ADAMTS19: variants seen among roughly 807,000 people sequenced by gnomAD.
ADAMTS19 encodes the protein ADAM metallopeptidase with thrombospondin type 1 motif 19.
In ADAMTS19, 93 loss-of-function variants were observed where a neutral mutation model predicts 153.3. That is an observed-to-expected ratio of 0.61 (90% CI 0.51 to 0.72). ADAMTS19 has a LOEUF of 0.72. Ranked by LOEUF, ADAMTS19 falls within the 30% of genes least tolerant of loss-of-function variation. The pLI, the probability that ADAMTS19 is intolerant of heterozygous loss-of-function variation, is 0.00. For synonymous variants in ADAMTS19, 600 were observed against 556.6 expected, an observed-to-expected ratio of 1.08 and a Z score of -1.10; for missense variants, 1,482 against 1,552.1, an observed-to-expected ratio of 0.95 and a Z score of 0.76.
At position 129,679,759 on chromosome 5, in the gene ADAMTS19, TA is replaced by T. The variant is rs779494058; in HGVS notation, c.2507-4del. The T allele has an allele frequency of 1.9e-6, 3 of 1,604,136 alleles. No homozygotes were observed. In the African/African-American group the frequency reaches 4.0e-5, roughly 22 times the overall value. Reference sequence around the variant, plus strand: ...TACTCATTATATTTTTGAACCTCTTTATAGCTCTCCGAGATGCTGGCAAACA... The same window carrying T: ...TACTCATTATATTTTTGAACCTCTTTTAGCTCTCCGAGATGCTGGCAAACA... On this transcript the variant is annotated splice_polypyrimidine_tract_variant and splice_region_variant and intron_variant, in intron 16 of 22. Coordinates refer to ENST00000274487, the MANE Select transcript of ADAMTS19 (RefSeq NM_133638.6).
intron 21 of ADAMTS19, among the ~76,000 whole-genome samples, chr5:129,724,892 CT>C (rs1364882622): frequency 2.0e-5 from 3 of 152,114 alleles, no homozygotes; most frequent in Non-Finnish European, 4.4e-5. Flanking sequence ...ATCATGTTGA[CT>C]GTTCTTTATT....
At chr5:129,699,512 T>C (rs556077234) in intron 19 of ADAMTS19, among the ~76,000 whole-genome samples, 8 of 152,058 alleles carry the variant, frequency 5.3e-5, no homozygotes, top group African/African-American at 1.9e-4. Flanking sequence ...CATTGATACA[T>C]GCCTTTGAGG....
chr5:129,697,862 A>T (rs2127153624), intron 19 of ADAMTS19, among the ~76,000 whole-genome samples: 1 of 152,296 alleles, frequency 6.6e-6, no homozygotes, highest in South Asian at 2.1e-4. Flanking sequence ...ATACTTCAAA[A>T]CACAATTTGT....
intron 7 of ADAMTS19, among the ~76,000 whole-genome samples, chr5:129,584,782 C>A (rs1347948706): frequency 6.6e-6 from 1 of 152,220 alleles, no homozygotes; most frequent in Non-Finnish European, 1.5e-5. Flanking sequence ...CGACTTCAGA[C>A]TGCTGTGCTG....
intron 3 of ADAMTS19, among the ~76,000 whole-genome samples, chr5:129,522,241 A>T (rs1416302288): frequency 1.4e-5 from 2 of 147,272 alleles, no homozygotes; most frequent in Non-Finnish European, 3.0e-5. Flanking sequence ...GAATGTAAGT[A>T]TATACACACA....
intron 2 of ADAMTS19, among the ~76,000 whole-genome samples, chr5:129,489,941 T>G (rs1405292759): frequency 6.6e-6 from 1 of 152,232 alleles, no homozygotes; most frequent in Non-Finnish European, 1.5e-5. Context: ...AGAAAATGTT[T>G]CCTTCCATGC....
At chr5:129,694,311 A>G (rs966188506) in intron 18 of ADAMTS19, among the ~76,000 whole-genome samples, 30 of 152,282 alleles carry the variant, frequency 2.0e-4, no homozygotes, top group African/African-American at 7.2e-4. Flanking sequence ...AAGTATAATA[A>G]CATGTAACAA....
At chr5:129,625,666 C>T (rs1344528727) in intron 10 of ADAMTS19, among the ~76,000 whole-genome samples, 1 of 152,114 alleles carries the variant, frequency 6.6e-6, no homozygotes, top group Non-Finnish European at 1.5e-5. Context: ...TGGTCATATC[C>T]TTTGCCCACT....
chr5:129,555,443 A>AT (rs1753281439), intron 7 of ADAMTS19, among the ~76,000 whole-genome samples: 1 of 152,156 alleles, frequency 6.6e-6, no homozygotes, highest in Non-Finnish European at 1.5e-5. Flanking sequence ...ACAGATGAAG[A>AT]AAGCCCTGAA....
intron 8 of ADAMTS19, among the ~76,000 whole-genome samples, chr5:129,598,567 A>G (rs550048747): frequency 2.0e-5 from 3 of 152,288 alleles, no homozygotes; most frequent in South Asian, 2.1e-4. Flanking sequence ...ATCAATACCA[A>G]TTGATTTCTA....
intron 16 of ADAMTS19, among the ~76,000 whole-genome samples, chr5:129,672,460 G>T (rs566678362): frequency 6.6e-6 from 1 of 152,240 alleles, no homozygotes; most frequent in East Asian, 1.9e-4. Flanking sequence ...TGGTAAGCAG[G>T]TGTAGACTTT....
chr5:129,709,109 G>T (rs936390446), intron 21 of ADAMTS19, among the ~76,000 whole-genome samples: 15 of 152,174 alleles, frequency 9.9e-5, no homozygotes, highest in African/African-American at 3.1e-4. Context: ...TTAGACAAAT[G>T]AAGAATCTAA....
intron 2 of ADAMTS19, among the ~76,000 whole-genome samples, chr5:129,469,862 A>G (rs974832287): frequency 6.6e-6 from 1 of 152,112 alleles, no homozygotes; most frequent in African/African-American, 2.4e-5. Flanking sequence ...CATTCTGTGG[A>G]TTTCCAGTTT....
chr5:129,593,934 C>T (rs975405864), intron 7 of ADAMTS19, among the ~76,000 whole-genome samples: 4 of 152,136 alleles, frequency 2.6e-5, no homozygotes, highest in African/African-American at 9.7e-5. Context: ...TACTAATAAA[C>T]TTCCATTCAC....
At chr5:129,629,501 G>A (rs1270546344) in intron 10 of ADAMTS19, among the ~76,000 whole-genome samples, 1 of 152,040 alleles carries the variant, frequency 6.6e-6, no homozygotes, top group Non-Finnish European at 1.5e-5. Context: ...TAAATTAGAT[G>A]TATCACTTCC....
intron 7 of ADAMTS19, among the ~76,000 whole-genome samples, chr5:129,586,279 T>C (rs1201621686): frequency 6.6e-6 from 1 of 152,224 alleles, no homozygotes; most frequent in African/African-American, 2.4e-5. Context: ...TATAGTATCA[T>C]ATAGAGTAGT....
At position 129,609,754 on chromosome 5, in the gene ADAMTS19, C is replaced by T. The variant is rs138563461; in HGVS notation, c.1479-10864C>T. Among the ~76,000 whole-genome samples the T allele has an allele frequency of 7.5e-3, 1,140 of 152,136 alleles. 12 individuals are homozygous for T. The highest frequency in any genetic ancestry group is 0.027 in the Middle Eastern group (8 of 294). ...GATGTTGGAGTGAGTTAGTGGAAGA[C>T]GGAAAAAAATCACCCAGCAAATGAA... On this transcript the variant is annotated intron_variant, in intron 8 of 22. Coordinates refer to ENST00000274487, the MANE Select transcript of ADAMTS19 (RefSeq NM_133638.6).
intron 21 of ADAMTS19, among the ~76,000 whole-genome samples, chr5:129,734,207 G>A (rs927221365): frequency 2.6e-5 from 4 of 151,732 alleles, no homozygotes; most frequent in African/African-American, 9.7e-5. Flanking sequence ...GAAAATTTAG[G>A]TACTTGGTAC....
rs1263979334 is a variant in ADAMTS19 at position 129,527,672 on chromosome 5, TC to T, written c.1087-74del. On this transcript the variant is annotated intron_variant, in intron 4 of 22. Coordinates refer to ENST00000274487, the MANE Select transcript of ADAMTS19 (RefSeq NM_133638.6). The stretch of plus-strand genomic sequence containing the variant: ...GATGTCTCAACTAAATTGAGACATC[TC>T]CATGTATGGGCCTTGAGAAAAATTA... The T allele has an allele frequency of 1.9e-5, 11 of 594,434 alleles. No individual in the cohort carries two copies. In the East Asian group the frequency reaches 4.0e-4, roughly 22 times the overall value. The allele number at this position is 594,434 out of a possible 1,614,324, so 36.8% of individuals were successfully genotyped here.
Sources: allele counts gnomAD v4.1 joint callset (sites outside exome capture counted in the v4.1 genomes callset), GRCh38; gene constraint gnomAD v4.1.1; transcripts MANE v1.5; gene names NCBI Gene and HGNC (gene_info 2026-07-23, HGNC 2026-07-21).